Variants in PAK4 observed in about 807,000 individuals in gnomAD.
PAK4 encodes serine/threonine-protein kinase PAK 4.
Under a neutral mutation model 53.5 loss-of-function variants are expected in PAK4, and 49 were observed. The ratio of observed to expected loss-of-function variants is 0.92; its 90% confidence interval spans 0.73 to 1.16. The LOEUF is 1.16. PAK4 is among the 50% of genes most tolerant of loss of function. PAK4 has a pLI of 0.00. For synonymous variants in PAK4, 376 were observed against 375.6 expected (o/e 1.00, Z -0.01); for missense variants, 824 against 850.7 (o/e 0.97, Z 0.39).
rs745358857 is a variant in PAK4 at position 39,173,792 on chromosome 19, C to T, written c.880C>T (p.Arg294Trp). 1.4e-5 allele frequency: 23 copies of T among 1,607,278 alleles called. 1 individual carries two copies. Among genetic ancestry groups the T allele is most frequent in the East Asian group, 1.1e-4 (5 of 44,610 alleles). Residue 294 changes from arginine to tryptophan, a missense_variant, in exon 4 of 9, where the codon CGG becomes TGG. Physicochemically the swap from Arg to Trp is moderately radical, Grantham distance 101. Coordinates refer to ENST00000358301, the Ensembl canonical transcript of PAK4. The surrounding 1 kb of genome is among the most constrained non-coding windows in gnomAD (Gnocchi z 6.9). Reference sequence around the variant, plus strand: ...GCCCCCTGGCCCCCGCTCACCACAGCGGGAGCCACAGCGAGTATCCCATGA... The same window carrying T: ...GCCCCCTGGCCCCCGCTCACCACAGTGGGAGCCACAGCGAGTATCCCATGA...
In PAK4 at chr19:39,161,061, A is replaced by G. The variant is rs1028807562; in HGVS notation, c.-22-8471A>G. Among the ~76,000 whole-genome samples, 2 of 152,182 alleles carry G rather than the reference A, an allele frequency of 1.3e-5. No homozygotes were observed. The highest frequency in any genetic ancestry group is 4.8e-5 in the African/African-American group (2 of 41,448). On this transcript the variant is annotated intron_variant, in intron 1 of 8. Coordinates refer to ENST00000358301, the Ensembl canonical transcript of PAK4. The surrounding 1 kb of genome is among the most constrained non-coding windows in gnomAD (Gnocchi z 4.5). ...CAGTTTCCTGGTTTGGGGAACAGGAAGGAAGAGGACTCCCCACCCAGCACC... is the reference window on the plus strand; with the variant it reads ...CAGTTTCCTGGTTTGGGGAACAGGAGGGAAGAGGACTCCCCACCCAGCACC...
At chr19:39,131,110 T>G (rs933529780) in intron 1 of PAK4, among the ~76,000 whole-genome samples, 8 of 152,094 alleles carry the variant, frequency 5.3e-5, no homozygotes, top group Non-Finnish European at 1.2e-4. Context: ...GGTACGGGAC[T>G]TGCTTAAGGT....
intron 1 of PAK4, among the ~76,000 whole-genome samples, chr19:39,126,742 A>C (rs1365823795): frequency 6.6e-6 from 1 of 151,922 alleles, no homozygotes; most frequent in African/African-American, 2.4e-5. Flanking sequence ...AAATCATCAT[A>C]ATGTCGGTTA....
At chr19:39,139,782 A>G (rs567490133) in intron 1 of PAK4, among the ~76,000 whole-genome samples, 24 of 152,282 alleles carry the variant, frequency 1.6e-4, no homozygotes, top group Admixed American at 1.2e-3. Context: ...AAGCTGGACC[A>G]TTTGAAGCTG....
At chr19:39,139,415 G>A (rs1044082236) in intron 1 of PAK4, among the ~76,000 whole-genome samples, 2 of 152,176 alleles carry the variant, frequency 1.3e-5, no homozygotes, top group Non-Finnish European at 2.9e-5. Flanking sequence ...GAGGGGGCTG[G>A]GAAGGGGTGT....
At chr19:39,148,448 C>T (rs1779071375) in intron 1 of PAK4, among the ~76,000 whole-genome samples, 1 of 106,594 alleles carries the variant, frequency 9.4e-6, no homozygotes, top group Admixed American at 1.0e-4. Flanking sequence ...GTCTTAGGTA[C>T]CAAATAAGTT....
intron 1 of PAK4, among the ~76,000 whole-genome samples, chr19:39,128,603 T>C (rs1424435867): frequency 6.6e-6 from 1 of 152,196 alleles, no homozygotes; most frequent in Non-Finnish European, 1.5e-5. Context: ...TCAACACGTT[T>C]GGCTAGGGGA....
At chr19:39,171,417 C>T (rs906262871) in intron 2 of PAK4, among the ~76,000 whole-genome samples, 2 of 152,188 alleles carry the variant, frequency 1.3e-5, no homozygotes, top group Non-Finnish European at 2.9e-5. Flanking sequence ...CCATTTTGGC[C>T]AGGCTGGTCT....
At chr19:39,180,293 C>T (rs888705093), downstream of PAK4, 2 of 151,646 alleles carry the variant, frequency 1.3e-5, no homozygotes, top group African/African-American at 4.8e-5. Flanking sequence ...GTATTGGAGG[C>T]TTAGGTGAGG....
At position 39,161,737 on chromosome 19, in the gene PAK4, G is replaced by A. The variant is rs1347940187; in HGVS notation, c.-22-7795G>A. 6.6e-6 allele frequency among the ~76,000 whole-genome samples: 1 copy of A among 151,770 alleles called. No homozygotes were observed. Among genetic ancestry groups the A allele is most frequent in the Non-Finnish European group, 1.5e-5 (1 of 67,954 alleles). On this transcript the variant is annotated intron_variant, in intron 1 of 8. Transcript: ENST00000358301. This position sits in a 1 kb window ranked among gnomAD's most constrained non-coding sequence, Gnocchi z 4.5. ...ATCTGCCCCATTACCTCCTTGGCCT[G>A]TCCTTCCACTTGCCCCCTCGCCCAC...
intron 1 of PAK4, among the ~76,000 whole-genome samples, chr19:39,158,604 C>T (rs897071949): frequency 6.6e-6 from 1 of 152,230 alleles, no homozygotes; most frequent in Non-Finnish European, 1.5e-5. Context: ...GTGTCTGTGC[C>T]CTTTTGTGCT....
Position 39,172,917 on chromosome 19 carries a change from G to A in PAK4, c.205-1G>A. On this transcript the variant is annotated splice_acceptor_variant, in intron 2 of 8. Coordinates refer to ENST00000358301, the Ensembl canonical transcript of PAK4. LOFTEE classifies it high-confidence loss of function. ...CCACCCACCATTGCCTGGGACCCCAGACCATCGTGCGGGGCAGCAAAGGTG... is the reference window on the plus strand; with the variant it reads ...CCACCCACCATTGCCTGGGACCCCAAACCATCGTGCGGGGCAGCAAAGGTG... 6.6e-7 allele frequency: 1 copy of A among 1,526,704 alleles called. No homozygotes were observed. Among genetic ancestry groups the A allele is most frequent in the Non-Finnish European group, 8.8e-7 (1 of 1,130,104 alleles). 94.6% of individuals were successfully genotyped at this position (1,526,704 alleles called of 1,614,324 possible). A position where few individuals can be genotyped will look rare whatever the true frequency, so the allele number is the denominator to read the frequency against.
chr19:39,157,407 CTT>C (rs1461876818), intron 1 of PAK4, among the ~76,000 whole-genome samples: 1 of 152,122 alleles, frequency 6.6e-6, no homozygotes, highest in African/African-American at 2.4e-5. Context: ...GTGCACGAGT[CTT>C]TGCAGTGTGT....
At position 39,175,063 on chromosome 19, in the gene PAK4, A is replaced by G. The variant is rs777789997; in HGVS notation, c.1231A>G (p.Arg411Gly). Residue 411 changes from arginine (R) to glycine (G), a missense_variant and splice_region_variant, in exon 5 of 9, where the codon AGG becomes GGG. Arg to Gly is a moderately radical substitution (Grantham distance 125). Transcript: ENST00000358301. This position sits in a 1 kb window ranked among gnomAD's most constrained non-coding sequence, Gnocchi z 4.7. ...CCTCACCGACATCGTCACCCACACC[A>G]GGTATTTCTGGGGCCTCAGACCCCT... 4 of 1,607,290 alleles carry G rather than the reference A, an allele frequency of 2.5e-6. No homozygotes were observed. The highest frequency in any genetic ancestry group is 3.4e-6 in the Non-Finnish European group (4 of 1,176,518).
chr19:39,150,289 A>T (rs1456041195), intron 1 of PAK4, among the ~76,000 whole-genome samples: 2 of 152,002 alleles, frequency 1.3e-5, no homozygotes, highest in Non-Finnish European at 2.9e-5. Flanking sequence ...GAGCTCTTGA[A>T]AAAAGAGCTC....
chr19:39,165,818 C>G (rs964274086), intron 1 of PAK4, among the ~76,000 whole-genome samples: 11 of 152,280 alleles, frequency 7.2e-5, no homozygotes, highest in Non-Finnish European at 1.5e-4. Flanking sequence ...ACAGCAGGGC[C>G]GGAACCCGCG....
chr19:39,127,499 T>C (rs1270729752), intron 1 of PAK4, among the ~76,000 whole-genome samples: 1 of 152,018 alleles, frequency 6.6e-6, no homozygotes, highest in Non-Finnish European at 1.5e-5. Flanking sequence ...ATTATTAGGG[T>C]GCATGGTGGA....
chr19:39,137,035 C>T (rs934834366), intron 1 of PAK4, among the ~76,000 whole-genome samples: 1 of 151,950 alleles, frequency 6.6e-6, no homozygotes, highest in Non-Finnish European at 1.5e-5. Context: ...CTGCTTGGGC[C>T]TCTCTCTGCC....
chr19:39,165,504 G>C (rs1235018289), intron 1 of PAK4, among the ~76,000 whole-genome samples: 2 of 120,440 alleles, frequency 1.7e-5, no homozygotes, highest in African/African-American at 6.0e-5. Flanking sequence ...GACAGAGCAA[G>C]ACTCCCTCTC....
Sources: gnomAD v4.1 joint callset for allele counts (sites outside exome capture counted in the v4.1 genomes callset) on GRCh38, gnomAD v4.1.1 for gene constraint, Gnocchi (gnomAD v3.1) non-coding constraint, MANE v1.5 for transcripts, NCBI Gene and HGNC (gene_info 2026-07-23, HGNC 2026-07-21) for gene names.